The following C3orf18 variants were observed in gnomAD, a reference collection of about 807,000 sequenced individuals.
The protein encoded by C3orf18 is chromosome 3 open reading frame 18.
In C3orf18, 12 loss-of-function variants were observed where a neutral mutation model predicts 14.1. The ratio of observed to expected loss-of-function variants is 0.85; its 90% CI spans 0.55 to 1.38. The LOEUF is 1.38. C3orf18 is among the 40% of genes most tolerant of loss of function. The pLI is 0.00. For synonymous variants in C3orf18, 82 were observed against 87.9 expected, an observed-to-expected ratio of 0.93 and a Z score of 0.38; for missense variants, 196 against 213.9, an observed-to-expected ratio of 0.92 and a Z score of 0.52.
upstream of C3orf18, chr3:50,570,989 C>G: frequency 2.8e-6 from 2 of 726,052 alleles, no homozygotes; most frequent in Non-Finnish European, 4.4e-6. Flanking sequence ...AGCTTGTGAC[C>G]TCTCCATCTC....
In C3orf18 at chr3:50,559,378, A is replaced by C; in HGVS notation, c.*279T>G. The C allele has an allele frequency of 7.5e-7, 1 of 1,334,128 alleles. No individual in the cohort carries two copies. The allele number at this position is 1,334,128 out of a possible 1,614,324, so 82.6% of individuals were successfully genotyped here. Reference sequence around the variant, plus strand: ...GAGGGATCTGGACAGGGGATGAGGAAGCCAGCAGAGGCTCTTGACCTTCTC... The same window carrying C: ...GAGGGATCTGGACAGGGGATGAGGACGCCAGCAGAGGCTCTTGACCTTCTC... On this transcript the variant is annotated 3_prime_UTR_variant, in exon 6 of 6. Coordinates refer to ENST00000357203, the MANE Select transcript of C3orf18 (RefSeq NM_016210.5).
At chr3:50,562,060 C>T (rs34399912) in intron 3 of C3orf18, 61,328 of 560,168 alleles carry the variant, frequency 0.11, 3,932 homozygotes, top group Non-Finnish European at 0.13. Context: ...CCACCACACC[C>T]GGCTAATTTT....
intron 3 of C3orf18, among the ~76,000 whole-genome samples, chr3:50,563,145 T>G (rs1423289687): frequency 6.6e-6 from 1 of 152,134 alleles, no homozygotes; most frequent in Non-Finnish European, 1.5e-5. Context: ...CCAGAGCTCC[T>G]CCTGCAGGAC....
chr3:50,564,309 G>C (rs1700157435), intron 3 of C3orf18, among the ~76,000 whole-genome samples: 2 of 152,224 alleles, frequency 1.3e-5, no homozygotes, highest in Admixed American at 6.5e-5. Context: ...GTGACATTCT[G>C]AGTGTCCATG....
At chr3:50,560,107 GT>G (rs1699875780) in intron 5 of C3orf18, among the ~76,000 whole-genome samples, 1 of 152,224 alleles carries the variant, frequency 6.6e-6, no homozygotes, top group East Asian at 1.9e-4. Context: ...GTGGACCAAG[GT>G]TCTCAGTGCG....
At chr3:50,561,645 A>G in intron 4 of C3orf18, 77 bp downstream of exon 4, 5 of 1,442,140 alleles carry the variant, frequency 3.5e-6, no homozygotes, top group Non-Finnish European at 3.9e-6. Context: ...CTTTTCACCC[A>G]CTTCCTTCGG....
At chr3:50,570,797 A>G (rs1466101236), upstream of C3orf18, 1 of 274,718 alleles carries the variant, frequency 3.6e-6, no homozygotes, top group Non-Finnish European at 6.9e-6. Context: ...AGAATGATCA[A>G]ATAGGTGGGT....
chr3:50,559,468 G>T lies in C3orf18; in HGVS notation c.*189C>A. On this transcript the variant is annotated 3_prime_UTR_variant, in exon 6 of 6. Transcript: ENST00000357203. ...GGAGAAGTCAGTGGTCAGAAGTCCA[G>T]CCTGGCTAGGGCCCTCTCTTAGAGT... 2.1e-6 allele frequency: 3 copies of T among 1,417,864 alleles called. No homozygotes were observed. The highest frequency in any genetic ancestry group is 2.8e-6 in the Non-Finnish European group (3 of 1,085,520). 87.8% of individuals were successfully genotyped at this position (1,417,864 alleles called of 1,614,324 possible). A position where few individuals can be genotyped will look rare whatever the true frequency, so the allele number is the denominator to read the frequency against.
Position 50,559,335 on chromosome 3 carries a change from CG to C in C3orf18, c.*321del. 2 of 1,276,886 alleles carry C rather than the reference CG, an allele frequency of 1.6e-6. No homozygotes were observed. Among genetic ancestry groups the C allele is most frequent in the Non-Finnish European group, 1.0e-6 (1 of 998,866 alleles). 79.1% of individuals were successfully genotyped at this position (1,276,886 alleles called of 1,614,324 possible). A position where few individuals can be genotyped will look rare whatever the true frequency, so the allele number is the denominator to read the frequency against. On this transcript the variant is annotated 3_prime_UTR_variant, in exon 6 of 6. Transcript: ENST00000357203. Reference sequence around the variant, plus strand: ...ATCTCCCTCATTTCCTCCACATTAGCGGGGCAGACCCTGATGTGAGGGATCT... The same window carrying C: ...ATCTCCCTCATTTCCTCCACATTAGCGGGCAGACCCTGATGTGAGGGATCT...
intron 4 of C3orf18, 117 bp downstream of exon 4, chr3:50,561,605 G>A: frequency 6.0e-6 from 6 of 992,792 alleles, no homozygotes; most frequent in Non-Finnish European, 9.4e-6. Context: ...AACCATGAAT[G>A]GGCAGGACAG....
chr3:50,571,314 T>G (rs1700926841), upstream of C3orf18: 1 of 1,599,118 alleles, frequency 6.3e-7, no homozygotes, highest in Non-Finnish European at 8.5e-7. Flanking sequence ...TCGTGGCTCA[T>G]GTCCTTGGAG....
upstream of C3orf18, chr3:50,571,487 T>C (rs933596751): frequency 3.0e-6 from 2 of 677,530 alleles, no homozygotes; most frequent in Admixed American, 2.8e-5. Flanking sequence ...TGTAACAGTT[T>C]GTTGGATGAA....
chr3:50,559,651 G>C lies in C3orf18; in HGVS notation c.*6C>G, dbSNP rs1009895657. ...CTATCAGAAGTCCAGGCTTGTCCCA[G>C]GCCACTCACGCATGGATGGCATTGG... On this transcript the variant is annotated 3_prime_UTR_variant, in exon 6 of 6. Coordinates refer to ENST00000357203, the MANE Select transcript of C3orf18 (RefSeq NM_016210.5). The C allele has an allele frequency of 1.3e-6, 2 of 1,570,698 alleles. No individual in the cohort carries two copies. The highest frequency in any genetic ancestry group is 1.7e-6 in the Non-Finnish European group (2 of 1,156,814).
chr3:50,562,595 C>T (rs766332634), intron 3 of C3orf18: 15 of 455,520 alleles, frequency 3.3e-5, no homozygotes, highest in East Asian at 6.9e-5. Flanking sequence ...GTCTCTACAA[C>T]ATGTAAAAAG....
At position 50,566,027 on chromosome 3, in the gene C3orf18, T is replaced by A. The variant is rs932838206; in HGVS notation, c.-184A>T. ...ATACTTTACGTATCTACGGTGCCCC[T>A]GTTTTTGGGAACAAAAATGAAGCCC... On this transcript the variant is annotated 5_prime_UTR_variant, in exon 2 of 6. Transcript: ENST00000357203. 3.6e-5 allele frequency: 9 copies of A among 252,036 alleles called. No individual in the cohort carries two copies. The highest frequency in any genetic ancestry group is 3.5e-4 in the East Asian group (4 of 11,590). 15.6% of individuals were successfully genotyped at this position (252,036 alleles called of 1,614,324 possible). A position where few individuals can be genotyped will look rare whatever the true frequency, so the allele number is the denominator to read the frequency against.
At chr3:50,571,073 T>G (rs1183118505), upstream of C3orf18, 13 of 1,519,026 alleles carry the variant, frequency 8.6e-6, no homozygotes, top group East Asian at 3.0e-4. Context: ...CTTGGGAACC[T>G]GGAAGCACTC....
Position 50,565,832 on chromosome 3 carries a change from G to A in C3orf18, c.-133C>T, listed in dbSNP as rs969939248. On this transcript the variant is annotated 5_prime_UTR_variant, in exon 3 of 6. Coordinates refer to ENST00000357203, the MANE Select transcript of C3orf18 (RefSeq NM_016210.5). The surrounding 1 kb of genome is among the most constrained non-coding windows in gnomAD (Gnocchi z 4.4). ...GGCCACCTGCACAGCCACCTCCTTGGATAAAGGGAGCCCCCTGCCTTCCTG... is the reference window on the plus strand; with the variant it reads ...GGCCACCTGCACAGCCACCTCCTTGAATAAAGGGAGCCCCCTGCCTTCCTG... 3 of 630,452 alleles carry A rather than the reference G, an allele frequency of 4.8e-6. No homozygotes were observed. Among genetic ancestry groups the A allele is most frequent in the African/African-American group, 3.7e-5 (2 of 54,490 alleles). The allele number at this position is 630,452 out of a possible 1,614,324, so 39.1% of individuals were successfully genotyped here.
At chr3:50,570,352 T>C (rs1700800070), upstream of C3orf18, 2 of 152,206 alleles carry the variant, frequency 1.3e-5, no homozygotes, top group Non-Finnish European at 2.9e-5. Flanking sequence ...TAGTTGGTGG[T>C]TTACGCTGAT....
chr3:50,574,290 C>T (rs112970572), upstream of C3orf18, among the ~76,000 whole-genome samples: 6,011 of 152,308 alleles, frequency 0.039, 192 homozygotes, highest in Non-Finnish European at 0.051. Context: ...GGAGGCTCTT[C>T]ACTAGGAGGA....
Sources: gnomAD v4.1 joint callset for allele counts (sites outside exome capture counted in the v4.1 genomes callset) on GRCh38, gnomAD v4.1.1 for gene constraint, Gnocchi (gnomAD v3.1) non-coding constraint, MANE v1.5 for transcripts, NCBI Gene and HGNC (gene_info 2026-07-23, HGNC 2026-07-21) for gene names.